DNM3: variants seen among roughly 807,000 people sequenced by gnomAD.
The protein encoded by DNM3 is dynamin 3.
A neutral mutation model predicts 101.6 loss-of-function variants in DNM3; 47 were observed. That is an observed-to-expected ratio of 0.46 (90% CI 0.37 to 0.59). DNM3 has a LOEUF of 0.59. Ranked by LOEUF, DNM3 falls within the 20% of genes least tolerant of loss-of-function variation. The pLI, the probability that DNM3 is intolerant of heterozygous loss-of-function variation, is 0.00. For missense variants in DNM3, 849 were observed against 1,085.7 expected (o/e 0.78, Z 3.06); for synonymous variants, 385 against 387.9 (o/e 0.99, Z 0.09).
chr1:171,933,620 A>G (rs961484649), intron 2 of DNM3, among the ~76,000 whole-genome samples: 3 of 152,098 alleles, frequency 2.0e-5, no homozygotes, highest in Non-Finnish European at 4.4e-5. Flanking sequence ...GAGGTGGATG[A>G]GTGAGACGGG....
intron 1 of DNM3, among the ~76,000 whole-genome samples, chr1:171,859,614 A>G (rs146001014): frequency 6.6e-6 from 1 of 152,304 alleles, no homozygotes; most frequent in Non-Finnish European, 1.5e-5. Flanking sequence ...AAGCACCAGA[A>G]AGACAGTAAT....
chr1:172,281,924 CA>C (rs932812853), intron 15 of DNM3, among the ~76,000 whole-genome samples: 6 of 152,046 alleles, frequency 3.9e-5, no homozygotes, highest in African/African-American at 1.4e-4. Context: ...TATGTATTTA[CA>C]AAAATTAAAA....
intron 4 of DNM3, among the ~76,000 whole-genome samples, chr1:172,025,585 G>A (rs892252483): frequency 1.3e-5 from 2 of 152,170 alleles, no homozygotes; most frequent in African/African-American, 4.8e-5. Context: ...GCCCCTCTGG[G>A]ACGAAACTTC....
intron 10 of DNM3, among the ~76,000 whole-genome samples, chr1:172,059,810 A>G (rs1390787489): frequency 2.1e-5 from 3 of 139,832 alleles, no homozygotes; most frequent in East Asian, 2.2e-4. Flanking sequence ...CTCTCTCACC[A>G]CTCCTATTCA....
intron 2 of DNM3, among the ~76,000 whole-genome samples, chr1:171,951,480 C>A (rs886526707): frequency 2.0e-5 from 3 of 152,144 alleles, no homozygotes; most frequent in African/African-American, 7.2e-5. Flanking sequence ...TTTGGCAAAA[C>A]CATTCTCATT....
intron 14 of DNM3, among the ~76,000 whole-genome samples, chr1:172,194,881 T>C (rs2148458296): frequency 6.6e-6 from 1 of 152,208 alleles, no homozygotes; most frequent in East Asian, 1.9e-4. Context: ...AATATTGATA[T>C]GTGTGAATTT....
chr1:171,919,027 T>A (rs1266697815), intron 1 of DNM3, among the ~76,000 whole-genome samples: 6 of 152,228 alleles, frequency 3.9e-5, no homozygotes, highest in African/African-American at 1.4e-4. Context: ...TTTATTGACT[T>A]GTTAAATGGC....
At chr1:171,867,559 C>A (rs538361437) in intron 1 of DNM3, among the ~76,000 whole-genome samples, 2 of 152,306 alleles carry the variant, frequency 1.3e-5, no homozygotes, top group Non-Finnish European at 2.9e-5. Context: ...AGGTTAGAGG[C>A]ACCCAAACTG....
At position 172,231,609 on chromosome 1, in the gene DNM3, G is replaced by A. The variant is rs550212250; in HGVS notation, c.1660-21964G>A. ...GCTGGATGGAGAATGACTTTGACAA[G>A]TTGGGAGAAGAAGGCTTCAGATGAT... On this transcript the variant is annotated intron_variant, in intron 14 of 20. Transcript: ENST00000627582. Among the ~76,000 whole-genome samples the A allele has an allele frequency of 2.6e-5, 4 of 152,322 alleles. No individual in the cohort carries two copies. The South Asian group carries it at 6.2e-4, about 24-fold the overall frequency.
At chr1:172,094,386 G>A (rs1258729068) in intron 13 of DNM3, among the ~76,000 whole-genome samples, 1 of 152,182 alleles carries the variant, frequency 6.6e-6, no homozygotes, top group Non-Finnish European at 1.5e-5. Context: ...GGATAAAGCA[G>A]GCTTATTCTT....
At chr1:172,113,076 T>C (rs564326400) in intron 13 of DNM3, among the ~76,000 whole-genome samples, 9 of 152,298 alleles carry the variant, frequency 5.9e-5, no homozygotes, top group African/African-American at 1.9e-4. Context: ...GAATGTGGGG[T>C]ATTTACTGAA....
At position 171,987,637 on chromosome 1, in the gene DNM3, T is replaced by G; in HGVS notation, c.236-19T>G. The G allele has an allele frequency of 6.5e-7, 1 of 1,547,636 alleles. No homozygotes were observed. The highest frequency in any genetic ancestry group is 8.7e-7 in the Non-Finnish European group (1 of 1,151,674). On this transcript the variant is annotated intron_variant, in intron 2 of 20. Coordinates refer to ENST00000627582, the MANE Select transcript of DNM3 (RefSeq NM_015569.5). ...AATGCATGAATTTAAGTTGTGTCATTTTGGTTTTATTTTTGTAGAATATGC... is the reference window on the plus strand; with the variant it reads ...AATGCATGAATTTAAGTTGTGTCATGTTGGTTTTATTTTTGTAGAATATGC...
intron 4 of DNM3, among the ~76,000 whole-genome samples, chr1:171,994,767 A>C (rs2045881155): frequency 6.6e-6 from 1 of 150,884 alleles, no homozygotes; most frequent in African/African-American, 2.4e-5. Context: ...TGTGATGTTG[A>C]ACAATTGCCA....
At chr1:172,201,755 G>C (rs1274694325) in intron 14 of DNM3, among the ~76,000 whole-genome samples, 2 of 152,212 alleles carry the variant, frequency 1.3e-5, no homozygotes, top group Non-Finnish European at 2.9e-5. Flanking sequence ...CTGGTCCAAG[G>C]AATTTCCGAA....
intron 17 of DNM3, among the ~76,000 whole-genome samples, chr1:172,357,623 A>G (rs930545885): frequency 3.3e-5 from 5 of 152,116 alleles, no homozygotes; most frequent in Non-Finnish European, 7.4e-5. Context: ...AATGTAATAC[A>G]TGATTGAGGA....
At chr1:172,022,607 C>G in intron 4 of DNM3, among the ~76,000 whole-genome samples, 1 of 151,968 alleles carries the variant, frequency 6.6e-6, no homozygotes, top group East Asian at 1.9e-4. Flanking sequence ...GTGCAAAAGG[C>G]TTTTAATAGA....
chr1:172,195,843 G>A (rs1285489547), intron 14 of DNM3, among the ~76,000 whole-genome samples: 1 of 151,520 alleles, frequency 6.6e-6, no homozygotes, highest in East Asian at 1.9e-4. Flanking sequence ...GAGGATTTCT[G>A]CATCTATGTT....
chr1:172,191,502 T>C (rs2059722720), intron 14 of DNM3, among the ~76,000 whole-genome samples: 1 of 152,154 alleles, frequency 6.6e-6, no homozygotes. Context: ...AATGCGGGCT[T>C]TTTTTTGGTT....
intron 1 of DNM3, among the ~76,000 whole-genome samples, chr1:171,892,860 G>C (rs1039095482): frequency 4.0e-5 from 6 of 149,828 alleles, no homozygotes; most frequent in Admixed American, 6.6e-5. Context: ...TTCATGATAG[G>C]GTTTACACTG....
Sources: allele counts gnomAD v4.1 joint callset (sites outside exome capture counted in the v4.1 genomes callset), GRCh38; gene constraint gnomAD v4.1.1; transcripts MANE v1.5; gene names NCBI Gene and HGNC (gene_info 2026-07-23, HGNC 2026-07-21).